MLIP: variants seen among roughly 807,000 people sequenced by gnomAD.
The protein encoded by MLIP is muscular LMNA interacting protein.
MLIP carries 79 observed loss-of-function variants against 84.8 expected under a neutral mutation model. The ratio of observed to expected loss-of-function variants is 0.93; its 90% CI spans 0.78 to 1.12. The LOEUF (loss-of-function observed/expected upper bound fraction) is 1.12, where lower values mean the gene tolerates loss of function less well. MLIP is among the 50% of genes most tolerant of loss of function. MLIP has a pLI of 0.00. For synonymous variants in MLIP, 504 were observed against 463.0 expected (o/e 1.09, Z -1.14); for missense variants, 1,257 against 1,160.6 (o/e 1.08, Z -1.21).
At chr6:54,056,766 A>C (rs1765685018) in intron 1 of MLIP, among the ~76,000 whole-genome samples, 1 of 152,186 alleles carries the variant, frequency 6.6e-6, no homozygotes, top group African/African-American at 2.4e-5. Flanking sequence ...TGGAGTGAAG[A>C]AGAAGGTTTA....
chr6:54,045,419 C>T lies in MLIP; in HGVS notation c.63+26328C>T, dbSNP rs1764989083. 4 of 151,862 alleles carry T rather than the reference C, an allele frequency of 2.6e-5. 1 individual carries two copies. In the South Asian group the frequency reaches 8.3e-4, roughly 32 times the overall value. The allele number at this position is 151,862 out of a possible 1,614,324, so 9.4% of individuals were successfully genotyped here. ...CAAATTTTGAAAGTTTTACCCTTCTCAATGAACATGGTAGTGGCAAAAATG... is the reference window on the plus strand; with the variant it reads ...CAAATTTTGAAAGTTTTACCCTTCTTAATGAACATGGTAGTGGCAAAAATG... On this transcript the variant is annotated intron_variant, in intron 1 of 12. Transcript: ENST00000274897.
rs895755770 is a variant in MLIP at position 54,136,926 on chromosome 6, C to G, written c.857C>G (p.Pro286Arg). ...TTTCAAACTACCGCTCACTCTACAC[C>G]CTTTTCTGCATCGAAGGGCACCTCC... ...TYFQTTAHST[P>R]FSASKGTSST... The change falls in exon 4 of 14, where the codon CCC (proline) becomes CGC (arginine). Residue 286 changes from proline (P) to arginine (R), a missense_variant. Transcript: ENST00000502396. The G allele has an allele frequency of 6.5e-7, 1 of 1,536,052 alleles. No individual in the cohort carries two copies. The highest frequency in any genetic ancestry group is 1.4e-5 in the African/African-American group (1 of 73,142).
intron 8 of MLIP, among the ~76,000 whole-genome samples, chr6:54,168,853 CTTTTTTTTTTTT>C (rs3996971): frequency 5.9e-5 from 7 of 118,812 alleles, no homozygotes; most frequent in African/African-American, 2.2e-4. Context: ...GGGTTGAGGT[CTTTTTTTTTTTT>C]TTTTTTTTTG....
At chr6:54,237,975 G>A (rs1781479997) in intron 12 of MLIP, among the ~76,000 whole-genome samples, 1 of 152,056 alleles carries the variant, frequency 6.6e-6, no homozygotes, top group Non-Finnish European at 1.5e-5. Context: ...CTGTGTGTGT[G>A]GGTTAATATT....
rs926250635 is a variant in MLIP at position 54,082,691 on chromosome 6, G to A, written c.64-38756G>A. 1.7e-4 allele frequency among the ~76,000 whole-genome samples: 26 copies of A among 152,182 alleles called. 1 individual carries two copies. Among genetic ancestry groups the A allele is most frequent in the African/African-American group, 6.0e-4 (25 of 41,516 alleles). On this transcript the variant is annotated intron_variant, in intron 1 of 12. Transcript: ENST00000274897. ...TTTGGTATTGCCAATTTGGTGGGTAGAAAATCATATTTCATTATGATTTTG... is the reference window on the plus strand; with the variant it reads ...TTTGGTATTGCCAATTTGGTGGGTAAAAAATCATATTTCATTATGATTTTG...
Position 54,230,726 on chromosome 6 carries a change from C to T in MLIP, c.2731C>T (p.Pro911Ser), listed in dbSNP as rs2275769. 131,140 of 1,613,398 alleles carry T rather than the reference C, an allele frequency of 0.081. 7,407 individuals carry two copies. The highest frequency in any genetic ancestry group is 0.22 in the African/African-American group (16,140 of 74,872). The change falls in exon 12 of 14, where the codon CCT (proline) becomes TCT (serine). Residue 911 changes from proline to serine, a missense_variant. Physicochemically the swap from Pro to Ser is moderately conservative, Grantham distance 74. Coordinates refer to ENST00000502396, the MANE Select transcript of MLIP (RefSeq NM_001281747.2). ...TCTTCCCCACCAGGATGTAACAGTC[C>T]CTCCCAAGCCTGTCTCGCTCCATCC... The part of the protein sequence containing the change: ...DLFSEQDVTV[P>S]PKPVSLHPLY...
intron 3 of MLIP, among the ~76,000 whole-genome samples, chr6:54,129,104 T>A (rs1438655623): frequency 6.6e-6 from 1 of 152,032 alleles, no homozygotes; most frequent in African/African-American, 2.4e-5. Flanking sequence ...TCTGAGGAAT[T>A]TGGACACTAG....
chr6:54,030,695 T>C (rs1764082488), intron 1 of MLIP: 1 of 152,038 alleles, frequency 6.6e-6, no homozygotes, highest in Admixed American at 6.6e-5. Flanking sequence ...TAATTAATTT[T>C]TTTACTTAAG....
chr6:54,253,662 A>G (rs1050007015), intron 12 of MLIP, among the ~76,000 whole-genome samples: 1 of 151,876 alleles, frequency 6.6e-6, no homozygotes, highest in African/African-American at 2.4e-5. Flanking sequence ...TCTCTTTGTG[A>G]GTGTGGTTTA....
intron 11 of MLIP, among the ~76,000 whole-genome samples, chr6:54,229,328 T>C (rs9474766): frequency 0.12 from 17,562 of 152,210 alleles, 1,317 homozygotes; most frequent in East Asian, 0.21. Context: ...GTAAAGAGGA[T>C]ATTATCTTTT....
At chr6:54,089,052 A>C (rs1176679055) in intron 1 of MLIP, among the ~76,000 whole-genome samples, 1 of 152,144 alleles carries the variant, frequency 6.6e-6, no homozygotes, top group East Asian at 1.9e-4. Flanking sequence ...ATTCTGGTGG[A>C]TTTTAAAATA....
At chr6:54,070,472 G>A (rs1363476374) in intron 1 of MLIP, among the ~76,000 whole-genome samples, 2 of 152,118 alleles carry the variant, frequency 1.3e-5, no homozygotes, top group Admixed American at 6.5e-5. Context: ...CTAATGTAAT[G>A]TGCCTCTAGA....
chr6:54,107,452 G>C (rs1433254087), upstream of MLIP, among the ~76,000 whole-genome samples: 1 of 152,090 alleles, frequency 6.6e-6, no homozygotes, highest in Non-Finnish European at 1.5e-5. Flanking sequence ...CTGTGAATCG[G>C]GTTAGTCCTG....
intron 4 of MLIP, among the ~76,000 whole-genome samples, chr6:54,141,785 G>T (rs754059838): frequency 6.6e-6 from 1 of 152,120 alleles, no homozygotes; most frequent in Non-Finnish European, 1.5e-5. Flanking sequence ...GGAAATTAGG[G>T]TAAGCATTTC....
chr6:54,199,645 T>A (rs1255091510), intron 10 of MLIP, among the ~76,000 whole-genome samples: 1 of 151,978 alleles, frequency 6.6e-6, no homozygotes, highest in Non-Finnish European at 1.5e-5. Context: ...ACTGGACCAA[T>A]AGTGAGAGAT....
intron 11 of MLIP, chr6:54,215,336 C>T (rs944413013): frequency 2.0e-5 from 27 of 1,331,958 alleles, no homozygotes; most frequent in African/African-American, 3.0e-5. Flanking sequence ...AAAATCAGTC[C>T]TTACTGAACT....
chr6:54,079,252 G>A (rs536127768), intron 1 of MLIP, among the ~76,000 whole-genome samples: 2 of 152,228 alleles, frequency 1.3e-5, no homozygotes, highest in Non-Finnish European at 2.9e-5. Flanking sequence ...ATCCTCATGG[G>A]TGAATCTGTT....
intron 9 of MLIP, among the ~76,000 whole-genome samples, chr6:54,178,054 G>C (rs1235004037): frequency 1.3e-5 from 2 of 152,136 alleles, no homozygotes; most frequent in Non-Finnish European, 2.9e-5. Flanking sequence ...CCTCTCGGGA[G>C]GGTAGGGAGA....
At chr6:54,025,101 G>C (rs972695117) in intron 1 of MLIP, among the ~76,000 whole-genome samples, 1 of 151,256 alleles carries the variant, frequency 6.6e-6, no homozygotes, top group African/African-American at 2.4e-5. Context: ...TGCCCGCCTC[G>C]GCCTCTCAAA....
Sources: gnomAD v4.1 joint callset for allele counts (sites outside exome capture counted in the v4.1 genomes callset) on GRCh38, gnomAD v4.1.1 for gene constraint, MANE v1.5 for transcripts, NCBI Gene and HGNC (gene_info 2026-07-23, HGNC 2026-07-21) for gene names.